The following DPYD variants were observed in gnomAD, a reference collection of about 807,000 sequenced individuals.
DPYD encodes the protein dihydropyrimidine dehydrogenase, also known as dihydropyrimidine dehydrogenase [NADP(+)].
A neutral mutation model predicts 116.2 loss-of-function variants in DPYD; 109 were observed. That is an observed-to-expected ratio of 0.94 (90% CI 0.80 to 1.10). The LOEUF is 1.10. Among genes scored for constraint, DPYD ranks in the 50% least tolerant of loss-of-function variants. The pLI, the probability that DPYD is intolerant of heterozygous loss-of-function variation, is 0.00. For synonymous variants in DPYD, 440 were observed against 432.0 expected (o/e 1.02, Z -0.23); for missense variants, 1,302 against 1,254.5 (o/e 1.04, Z -0.57).
At chr1:97,097,764 A>G (rs1457074130) in intron 21 of DPYD, among the ~76,000 whole-genome samples, 1 of 152,128 alleles carries the variant, frequency 6.6e-6, no homozygotes, top group African/African-American at 2.4e-5. Context: ...ATAGAAGTAA[A>G]ACTGGAAAAA....
At chr1:97,720,448 C>A (rs1662859057) in intron 5 of DPYD, 23 of 990,606 alleles carry the variant, frequency 2.3e-5, no homozygotes, top group Non-Finnish European at 2.6e-5. Context: ...AAGCCTAATG[C>A]AATTTTGAAT....
At chr1:97,613,665 T>C (rs1656087954) in intron 8 of DPYD, among the ~76,000 whole-genome samples, 1 of 152,050 alleles carries the variant, frequency 6.6e-6, no homozygotes, top group South Asian at 2.1e-4. Context: ...AGAGCATGAA[T>C]ATAGCGTTTA....
chr1:97,343,113 T>C (rs1232558648), intron 16 of DPYD, among the ~76,000 whole-genome samples: 1 of 152,156 alleles, frequency 6.6e-6, no homozygotes, highest in Admixed American at 6.6e-5. Flanking sequence ...CTTGTATGTG[T>C]GTGTTTAATT....
At chr1:97,709,673 T>C (rs1402524904) in intron 5 of DPYD, among the ~76,000 whole-genome samples, 1 of 151,678 alleles carries the variant, frequency 6.6e-6, no homozygotes. Flanking sequence ...TTCCCCCAAG[T>C]CTCCTCACCT....
intron 14 of DPYD, among the ~76,000 whole-genome samples, chr1:97,421,675 G>C (rs1038677852): frequency 6.6e-6 from 1 of 152,144 alleles, no homozygotes; most frequent in Non-Finnish European, 1.5e-5. Context: ...GGCCCAAGGT[G>C]AGACACAGGC....
chr1:97,555,353 C>G (rs1036973120), intron 11 of DPYD, among the ~76,000 whole-genome samples: 1 of 152,026 alleles, frequency 6.6e-6, no homozygotes, highest in Non-Finnish European at 1.5e-5. Context: ...AAGATGGCCT[C>G]GAACTCTCCC....
At chr1:97,122,822 TC>T (rs998657200) in intron 20 of DPYD, among the ~76,000 whole-genome samples, 16 of 152,252 alleles carry the variant, frequency 1.1e-4, no homozygotes, top group African/African-American at 3.6e-4. Context: ...TATTTTTTTT[TC>T]CTGAATATTG....
At chr1:97,230,993 A>T (rs1661556460) in intron 19 of DPYD, among the ~76,000 whole-genome samples, 1 of 152,166 alleles carries the variant, frequency 6.6e-6, no homozygotes, top group Non-Finnish European at 1.5e-5. Context: ...CTAAGTAGAA[A>T]CTGACATTTG....
At chr1:97,396,673 C>T (rs1447668032) in intron 14 of DPYD, among the ~76,000 whole-genome samples, 1 of 151,992 alleles carries the variant, frequency 6.6e-6, no homozygotes, top group East Asian at 1.9e-4. Flanking sequence ...TCCAAATCAC[C>T]TTGCTGCTCC....
At chr1:97,369,734 T>C (rs1057345098) in intron 16 of DPYD, among the ~76,000 whole-genome samples, 2 of 152,206 alleles carry the variant, frequency 1.3e-5, no homozygotes, top group African/African-American at 2.4e-5. Flanking sequence ...ATCAGGGTTA[T>C]TGACACCGTT....
At chr1:97,594,885 A>G (rs576350303) in intron 9 of DPYD, among the ~76,000 whole-genome samples, 174 bp downstream of exon 9, 3 of 152,016 alleles carry the variant, frequency 2.0e-5, no homozygotes, top group Admixed American at 6.5e-5. Context: ...GAACAAACAG[A>G]TGATTCTGGC....
chr1:97,256,444 C>G (rs948189526), intron 18 of DPYD, among the ~76,000 whole-genome samples: 3 of 152,040 alleles, frequency 2.0e-5, no homozygotes, highest in Non-Finnish European at 4.4e-5. Context: ...GGGGGTGTGT[C>G]TTTCTCATGC....
At chr1:97,197,088 G>C (rs752945369) in intron 19 of DPYD, among the ~76,000 whole-genome samples, 10 of 152,106 alleles carry the variant, frequency 6.6e-5, no homozygotes, top group Non-Finnish European at 1.2e-4. Flanking sequence ...ATGTAGAAAA[G>C]AGTATAGAAT....
chr1:97,601,080 A>G (rs990931948), intron 8 of DPYD, among the ~76,000 whole-genome samples: 3 of 152,130 alleles, frequency 2.0e-5, no homozygotes, highest in African/African-American at 7.2e-5. Context: ...CTCAGACAGC[A>G]TTGACCTAGG....
At chr1:97,477,788 T>G (rs1678068385) in intron 13 of DPYD, among the ~76,000 whole-genome samples, 1 of 151,630 alleles carries the variant, frequency 6.6e-6, no homozygotes, top group African/African-American at 2.4e-5. Flanking sequence ...GCCCGGCTAA[T>G]TTTTTGTATT....
At chr1:97,173,408 G>A (rs911515544) in intron 20 of DPYD, among the ~76,000 whole-genome samples, 17 of 146,786 alleles carry the variant, frequency 1.2e-4, no homozygotes, top group African/African-American at 3.0e-4. Flanking sequence ...GTGTATATAC[G>A]TACGTACATA....
intron 16 of DPYD, among the ~76,000 whole-genome samples, chr1:97,352,049 C>T (rs963826679): frequency 1.3e-5 from 2 of 152,054 alleles, no homozygotes; most frequent in African/African-American, 4.8e-5. Flanking sequence ...CTGGCACATT[C>T]TTTGGTATTC....
chr1:97,800,728 A>G (rs547169918), intron 3 of DPYD, among the ~76,000 whole-genome samples: 1 of 151,888 alleles, frequency 6.6e-6, no homozygotes, highest in East Asian at 1.9e-4. Context: ...TCTGTCTGTT[A>G]TCATGATGCT....
At chr1:97,520,666 C>G (rs886209949) in intron 12 of DPYD, among the ~76,000 whole-genome samples, 4 of 151,998 alleles carry the variant, frequency 2.6e-5, no homozygotes, top group Middle Eastern at 3.4e-3. Context: ...TGATGTTCCC[C>G]TCCCTGTGTC....
Sources: allele counts gnomAD v4.1 joint callset (sites outside exome capture counted in the v4.1 genomes callset), GRCh38; gene constraint gnomAD v4.1.1; transcripts MANE v1.5; gene names NCBI Gene and HGNC (gene_info 2026-07-23, HGNC 2026-07-21).